The following COX6C variants were observed in gnomAD, a reference collection of about 807,000 sequenced individuals.
The protein encoded by COX6C is cytochrome c oxidase subunit 6C, also known as cytochrome c oxidase polypeptide VIc.
COX6C carries 3 observed loss-of-function variants against 6.9 expected under a neutral mutation model. The ratio of observed to expected loss-of-function variants is 0.43; its 90% CI spans 0.20 to 1.12. The LOEUF is 1.12. Ranked by LOEUF, COX6C falls within the 50% of genes most tolerant of loss-of-function variation. The pLI, the probability that COX6C is intolerant of heterozygous loss-of-function variation, is 0.27. For missense variants in COX6C, 101 were observed against 97.3 expected, an observed-to-expected ratio of 1.04 and a Z score of -0.16; for synonymous variants, 32 against 32.0, an observed-to-expected ratio of 1.00 and a Z score of 0.00.
intron 3 of COX6C, among the ~76,000 whole-genome samples, chr8:99,884,539 T>C (rs1263561670): frequency 6.6e-6 from 1 of 152,064 alleles, no homozygotes; most frequent in Non-Finnish European, 1.5e-5. Context: ...ATACAGAATA[T>C]ACACATAAGG....
At chr8:99,880,995 A>G (rs1227485493) in intron 3 of COX6C, among the ~76,000 whole-genome samples, 1 of 152,202 alleles carries the variant, frequency 6.6e-6, no homozygotes. Flanking sequence ...AACAAAAAGG[A>G]CACTAGTCAG....
At chr8:99,884,432 T>G (rs1356631557) in intron 3 of COX6C, among the ~76,000 whole-genome samples, 2 of 152,214 alleles carry the variant, frequency 1.3e-5, no homozygotes, top group Admixed American at 1.3e-4. Context: ...TATGAAAGAC[T>G]TAAACACTGA....
intron 3 of COX6C, among the ~76,000 whole-genome samples, chr8:99,883,636 T>C (rs1817902438): frequency 6.6e-6 from 1 of 151,872 alleles, no homozygotes; most frequent in South Asian, 2.1e-4. Context: ...CCTCAAGTTT[T>C]TCCAAAAACA....
At chr8:99,890,050 C>A (rs1210742480) in intron 2 of COX6C, among the ~76,000 whole-genome samples, 2 of 151,570 alleles carry the variant, frequency 1.3e-5, no homozygotes, top group Non-Finnish European at 2.9e-5. Flanking sequence ...GCTGAGTTCA[C>A]GCCACTGCAC....
At chr8:99,891,847 G>T in intron 2 of COX6C, 61 bp downstream of exon 2, 1 of 1,482,480 alleles carries the variant, frequency 6.7e-7, no homozygotes, top group Non-Finnish European at 9.4e-7. Context: ...TTCTTTAAAA[G>T]ATTTTTCAAC....
chr8:99,885,061 G>A (rs1297571766), intron 3 of COX6C, among the ~76,000 whole-genome samples: 1 of 152,182 alleles, frequency 6.6e-6, no homozygotes, highest in African/African-American at 2.4e-5. Context: ...GTGAAAGAAA[G>A]AACAAAGCTA....
At chr8:99,890,239 A>T (rs1190682260) in intron 2 of COX6C, among the ~76,000 whole-genome samples, 1 of 152,186 alleles carries the variant, frequency 6.6e-6, no homozygotes, top group Non-Finnish European at 1.5e-5. Flanking sequence ...CCAGGATTAC[A>T]GGCATGAGAC....
At chr8:99,883,466 TA>T (rs1170162075) in intron 3 of COX6C, among the ~76,000 whole-genome samples, 2 of 146,524 alleles carry the variant, frequency 1.4e-5, no homozygotes, top group African/African-American at 2.6e-5. Context: ...TATATATATA[TA>T]TATATTTTTT....
chr8:99,891,332 C>T (rs1317000028), intron 2 of COX6C, among the ~76,000 whole-genome samples: 1 of 152,142 alleles, frequency 6.6e-6, no homozygotes, highest in Non-Finnish European at 1.5e-5. Context: ...AGGTGAATCC[C>T]TTGAGCCCAG....
intron 3 of COX6C, among the ~76,000 whole-genome samples, chr8:99,881,863 A>C (rs575764907): frequency 2.0e-5 from 3 of 152,346 alleles, no homozygotes; most frequent in South Asian, 2.1e-4. Flanking sequence ...CTCACTGTAG[A>C]TCTAAGGACA....
rs1446139910 is a variant in COX6C at position 99,889,359 on chromosome 8, G to A, written c.115-1741C>T. On this transcript the variant is annotated intron_variant, in intron 2 of 3. Coordinates refer to ENST00000520468, the MANE Select transcript of COX6C (RefSeq NM_004374.4). The stretch of plus-strand genomic sequence containing the variant: ...GCCTGGAGTGCAGCGGCACGATCTC[G>A]GCTCACTGCAACCTCCACCTCCCAA... Among the ~76,000 whole-genome samples, 3 of 149,878 alleles carry A rather than the reference G, an allele frequency of 2.0e-5. No individual in the cohort carries two copies. The East Asian group carries it at 5.9e-4, about 30-fold the overall frequency.
Position 99,887,574 on chromosome 8 carries a change from G to A in COX6C, c.159C>T (p.Tyr53=). ...AATCTTTCATGACATCGTAGTTTCT[G>A]TAGAAATCTGCGTATGCCTTCTTTC... ...DQRKKAYADF[Y]RNYDVMKDFE... Residue 53 remains tyrosine (Y), a synonymous_variant, in exon 3 of 4, where the codon TAC becomes TAT. Coordinates refer to ENST00000520468, the MANE Select transcript of COX6C (RefSeq NM_004374.4). 1.9e-6 allele frequency: 3 copies of A among 1,610,430 alleles called. No homozygotes were observed. Among genetic ancestry groups the A allele is most frequent in the Non-Finnish European group, 1.7e-6 (2 of 1,178,946 alleles).
chr8:99,879,836 G>A (rs1329400678), intron 3 of COX6C, among the ~76,000 whole-genome samples: 1 of 152,166 alleles, frequency 6.6e-6, no homozygotes, highest in East Asian at 1.9e-4. Flanking sequence ...GGGAACAATG[G>A]CATAGTTTGG....
intron 3 of COX6C, among the ~76,000 whole-genome samples, chr8:99,879,580 AC>A (rs756053141): frequency 6.6e-5 from 10 of 152,344 alleles, no homozygotes; most frequent in Non-Finnish European, 1.2e-4. Flanking sequence ...AACTCTAGAA[AC>A]CAGTTGAGCA....
At chr8:99,890,401 C>T (rs76506651) in intron 2 of COX6C, among the ~76,000 whole-genome samples, 2 of 152,120 alleles carry the variant, frequency 1.3e-5, no homozygotes, top group East Asian at 1.9e-4. Context: ...ATTTTTTTCA[C>T]CTCCCCAACT....
intron 3 of COX6C, among the ~76,000 whole-genome samples, chr8:99,881,407 T>C (rs923967653): frequency 5.3e-5 from 8 of 152,008 alleles, no homozygotes; most frequent in African/African-American, 1.9e-4. Flanking sequence ...TTAATTCTTT[T>C]ATAGGATTTA....
rs151270279 is a variant in COX6C at position 99,893,681 on chromosome 8, T to A, written c.-74A>T. 1 of 152,284 alleles carries A rather than the reference T, an allele frequency of 6.6e-6. No homozygotes were observed. Among genetic ancestry groups the A allele is most frequent in the Non-Finnish European group, 1.5e-5 (1 of 68,082 alleles). 9.4% of individuals were successfully genotyped at this position (152,284 alleles called of 1,614,324 possible). A position where few individuals can be genotyped will look rare whatever the true frequency, so the allele number is the denominator to read the frequency against. Reference sequence around the variant, plus strand: ...TCCTGACTAAAGGAAAAACGAACCGTGCTGTAGCCGCGCGCAGGCGCAGAA... The same window carrying A: ...TCCTGACTAAAGGAAAAACGAACCGAGCTGTAGCCGCGCGCAGGCGCAGAA... On this transcript the variant is annotated 5_prime_UTR_variant, in exon 1 of 4. Transcript: ENST00000520468.
At chr8:99,880,321 T>C (rs1388964521) in intron 3 of COX6C, among the ~76,000 whole-genome samples, 5 of 152,086 alleles carry the variant, frequency 3.3e-5, no homozygotes. Context: ...CTATAAAACC[T>C]TAAGAACAAC....
chr8:99,886,031 G>A (rs1012933828), intron 3 of COX6C: 2 of 152,164 alleles, frequency 1.3e-5, no homozygotes, highest in African/African-American at 4.8e-5. Flanking sequence ...CAAATAATCA[G>A]GGAAATGCAA....
Sources: allele counts gnomAD v4.1 joint callset (sites outside exome capture counted in the v4.1 genomes callset), GRCh38; gene constraint gnomAD v4.1.1; transcripts MANE v1.5; gene names NCBI Gene and HGNC (gene_info 2026-07-23, HGNC 2026-07-21).